The following PLA2G2C variants were observed in gnomAD, a reference collection of about 807,000 sequenced individuals.
The protein encoded by PLA2G2C is putative inactive group IIC secretory phospholipase A2.
A neutral mutation model predicts 14.3 loss-of-function variants in PLA2G2C; 15 were observed. The observed-to-expected ratio is 1.05, with a 90% confidence interval of 0.70 to 1.62. PLA2G2C has a LOEUF of 1.62. PLA2G2C is among the 40% of genes most tolerant of loss of function. PLA2G2C has a pLI of 0.00. For synonymous variants in PLA2G2C, 79 were observed against 67.7 expected, an observed-to-expected ratio of 1.17 and a Z score of -0.82; for missense variants, 162 against 173.2, an observed-to-expected ratio of 0.94 and a Z score of 0.36.
At chr1:20,182,222 C>G (rs1268679436) in intron 1 of PLA2G2C, among the ~76,000 whole-genome samples, 1 of 152,214 alleles carries the variant, frequency 6.6e-6, no homozygotes, top group Non-Finnish European at 1.5e-5. Context: ...GGTCCAATGA[C>G]AGACCACACA....
intron 1 of PLA2G2C, among the ~76,000 whole-genome samples, chr1:20,185,641 C>T (rs1284710531): frequency 2.6e-5 from 4 of 152,118 alleles, no homozygotes; most frequent in Admixed American, 6.5e-5. Flanking sequence ...GGATGGGGGC[C>T]CTGCTCCCCG....
chr1:20,183,614 G>T (rs534669554), intron 1 of PLA2G2C, among the ~76,000 whole-genome samples: 1 of 152,368 alleles, frequency 6.6e-6, no homozygotes, highest in African/African-American at 2.4e-5. Context: ...TGTTCCACTG[G>T]ACCAAAGGCG....
intron 2 of PLA2G2C, among the ~76,000 whole-genome samples, chr1:20,177,095 G>A (rs2018199132): frequency 6.6e-6 from 1 of 152,172 alleles, no homozygotes; most frequent in Non-Finnish European, 1.5e-5. Context: ...GCAAATGGTT[G>A]GCAACCTCTG....
intron 2 of PLA2G2C, among the ~76,000 whole-genome samples, chr1:20,175,623 C>T (rs1015211924): frequency 2.6e-5 from 4 of 152,116 alleles, no homozygotes; most frequent in African/African-American, 9.7e-5. Flanking sequence ...TACACATGAA[C>T]TCAGCTGTTT....
rs1457672519 is a variant in PLA2G2C, at chr1:20,172,983, G to A, written c.180-86C>T. On this transcript the variant is annotated intron_variant, in intron 3 of 4. Coordinates refer to ENST00000679259, the MANE Select transcript of PLA2G2C (RefSeq NM_001367969.2). ...ACCTGCCTCCTCCTCTAGGCAAGAAGGCATTGAAGGTGAGGAGGTGAATTA... is the reference window on the plus strand; with the variant it reads ...ACCTGCCTCCTCCTCTAGGCAAGAAAGCATTGAAGGTGAGGAGGTGAATTA... 3 of 928,440 alleles carry A rather than the reference G, an allele frequency of 3.2e-6. No homozygotes were observed. In the African/African-American group the frequency reaches 5.0e-5, roughly 15 times the overall value. The allele number at this position is 928,440 out of a possible 1,614,324, so 57.5% of individuals were successfully genotyped here.
chr1:20,166,180 G>A (rs1396943630), intron 4 of PLA2G2C, among the ~76,000 whole-genome samples: 2 of 152,162 alleles, frequency 1.3e-5, no homozygotes, highest in East Asian at 1.9e-4. Flanking sequence ...CTGTGGAGCC[G>A]GCAGAGCTGC....
chr1:20,176,330 C>T (rs771513706), intron 2 of PLA2G2C, among the ~76,000 whole-genome samples: 6 of 152,156 alleles, frequency 3.9e-5, no homozygotes, highest in Non-Finnish European at 5.9e-5. Flanking sequence ...AGGGAAAAAA[C>T]TGGGGTCTGG....
rs1258203673 is a variant in PLA2G2C at position 20,186,355 on chromosome 1, C to T, written c.-77+5G>A. On this transcript the variant is annotated splice_donor_5th_base_variant and intron_variant, in intron 1 of 4. Transcript: ENST00000679259. ...CGAGGCAAAGCAAGCCTGGCCAGAGCTCACCTTTACCAAAATAGGGTGACT... is the reference window on the plus strand; with the variant it reads ...CGAGGCAAAGCAAGCCTGGCCAGAGTTCACCTTTACCAAAATAGGGTGACT... 1 of 152,302 alleles carries T rather than the reference C, an allele frequency of 6.6e-6. No homozygotes were observed. The highest frequency in any genetic ancestry group is 2.4e-5 in the African/African-American group (1 of 41,480). The allele number at this position is 152,302 out of a possible 1,614,324, so 9.4% of individuals were successfully genotyped here.
rs760843106 is a variant in PLA2G2C at position 20,164,081 on chromosome 1, G to A, written c.360C>T (p.His120=). The change falls in exon 5 of 5, where the codon CAC becomes CAT. Residue 120 remains histidine, a synonymous_variant. Coordinates refer to ENST00000679259, the MANE Select transcript of PLA2G2C (RefSeq NM_001367969.2). ...KACECDKQSV[H]CFKESLPTYE... Reference sequence around the variant, plus strand: ...AGGTGGGCAGGCTCTCTTTGAAGCAGTGCACGGATTGCTTGTCACACTCAC... The same window carrying A: ...AGGTGGGCAGGCTCTCTTTGAAGCAATGCACGGATTGCTTGTCACACTCAC... 2.5e-6 allele frequency: 4 copies of A among 1,613,956 alleles called. No homozygotes were observed. The highest frequency in any genetic ancestry group is 3.3e-4 in the Middle Eastern group (2 of 6,058).
At chr1:20,179,018 G>A (rs1433978407) in intron 1 of PLA2G2C, among the ~76,000 whole-genome samples, 3 of 152,352 alleles carry the variant, frequency 2.0e-5, no homozygotes, top group East Asian at 1.9e-4. Context: ...CAGGTACCGC[G>A]TGGCCCAAGG....
chr1:20,170,281 G>T (rs927809357), intron 4 of PLA2G2C, among the ~76,000 whole-genome samples: 22 of 152,232 alleles, frequency 1.4e-4, no homozygotes, highest in African/African-American at 5.1e-4. Context: ...CACTGAAAAG[G>T]TTCAAGACAC....
At chr1:20,182,591 A>T (rs1484179929) in intron 1 of PLA2G2C, among the ~76,000 whole-genome samples, 1 of 152,238 alleles carries the variant, frequency 6.6e-6, no homozygotes, top group Non-Finnish European at 1.5e-5. Flanking sequence ...CTGTACTTCA[A>T]GGGTTAAGTT....
chr1:20,178,365 G>A (rs986933519), intron 1 of PLA2G2C, among the ~76,000 whole-genome samples: 1 of 152,186 alleles, frequency 6.6e-6, no homozygotes, highest in African/African-American at 2.4e-5. Context: ...AGAGAAGTTG[G>A]CAGGTGCAGA....
intron 4 of PLA2G2C, among the ~76,000 whole-genome samples, chr1:20,164,638 A>T (rs1248835831): frequency 2.0e-5 from 3 of 152,128 alleles, no homozygotes; most frequent in Non-Finnish European, 4.4e-5. Context: ...TCCTATTTCC[A>T]GCTGCCTGCT....
intron 1 of PLA2G2C, among the ~76,000 whole-genome samples, chr1:20,178,537 G>A (rs2018226065): frequency 1.3e-5 from 2 of 152,168 alleles, no homozygotes; most frequent in African/African-American, 2.4e-5. Context: ...GACCAGGCCT[G>A]GTCCCAGCCA....
chr1:20,174,383 C>T (rs2018141689), intron 3 of PLA2G2C, among the ~76,000 whole-genome samples: 1 of 152,208 alleles, frequency 6.6e-6, no homozygotes, highest in Non-Finnish European at 1.5e-5. Context: ...TAGGAACTCA[C>T]ACTCCCCCAC....
rs571996636 is a variant in PLA2G2C, at chr1:20,175,114, C to T, written c.72G>A (p.Gln24=). The T allele has an allele frequency of 5.8e-5, 93 of 1,613,956 alleles. No homozygotes were observed. In the African/African-American group the frequency reaches 1.1e-3, roughly 20 times the overall value. ...SPTHSSFWQF[Q]RRVKHITGRS... Reference sequence around the variant, plus strand: ...GCCCCGTGATGTGTTTGACCCTCCTCTGAAACTGCCAGAAACTGCTGTGGG... The same window carrying T: ...GCCCCGTGATGTGTTTGACCCTCCTTTGAAACTGCCAGAAACTGCTGTGGG... The change falls in exon 3 of 5, where the codon CAG becomes CAA. Residue 24 remains glutamine, a synonymous_variant. Transcript: ENST00000679259.
chr1:20,169,065 C>A (rs1232208069), intron 4 of PLA2G2C, among the ~76,000 whole-genome samples: 1 of 152,190 alleles, frequency 6.6e-6, no homozygotes, highest in Non-Finnish European at 1.5e-5. Context: ...CAACCTGGGA[C>A]CAGGCCTGGG....
intron 1 of PLA2G2C, among the ~76,000 whole-genome samples, chr1:20,181,750 C>T (rs1028412851): frequency 2.0e-5 from 3 of 152,168 alleles, no homozygotes; most frequent in Admixed American, 6.5e-5. Context: ...CGATAATCAA[C>T]GAAGCCTAGA....
Sources: allele counts gnomAD v4.1 joint callset (sites outside exome capture counted in the v4.1 genomes callset), GRCh38; gene constraint gnomAD v4.1.1; transcripts MANE v1.5; gene names NCBI Gene and HGNC (gene_info 2026-07-23, HGNC 2026-07-21).